The following C7 variants were observed in gnomAD, a reference collection of about 807,000 sequenced individuals.
C7 encodes the protein complement component C7.
Under a neutral mutation model 104.8 loss-of-function variants are expected in C7, and 83 were observed. That is an observed-to-expected ratio of 0.79 (90% CI 0.66 to 0.95). The LOEUF is 0.95. Among genes scored for constraint, C7 ranks in the 40% least tolerant of loss-of-function variants. The pLI is 0.00. For missense variants in C7, 1,070 were observed against 1,011.2 expected (o/e 1.06, Z -0.79); for synonymous variants, 415 against 360.6 (o/e 1.15, Z -1.71).
At chr5:40,943,868 A>C (rs1003824125) in intron 6 of C7, among the ~76,000 whole-genome samples, 1 of 152,044 alleles carries the variant, frequency 6.6e-6, no homozygotes, top group Non-Finnish European at 1.5e-5. Flanking sequence ...CATATCTAAT[A>C]CTCAATGGGG....
intron 8 of C7, among the ~76,000 whole-genome samples, chr5:40,949,181 C>A (rs1740112394): frequency 6.6e-6 from 1 of 151,898 alleles, no homozygotes; most frequent in Non-Finnish European, 1.5e-5. Context: ...TACTCTTGAG[C>A]AGTTTATGTT....
chr5:40,941,325 A>C (rs1348930359), intron 6 of C7, among the ~76,000 whole-genome samples: 1 of 151,998 alleles, frequency 6.6e-6, no homozygotes. Context: ...CGGCCTCCCA[A>C]AGTGCTGGGA....
In C7 at chr5:40,958,196, G is replaced by A. The variant is rs374971959; in HGVS notation, c.1424G>A (p.Cys475Tyr). Residue 475 changes from cysteine to tyrosine, a missense_variant, in exon 11 of 18, where the codon TGC becomes TAC. Cys to Tyr is a radical substitution (Grantham distance 194). Coordinates refer to ENST00000313164, the MANE Select transcript of C7 (RefSeq NM_000587.4). ...ACTGTTGAGGGGACCCATTGTCTGTGCCATTGCAAACCGTACACATTTGGT... is the reference window on the plus strand; with the variant it reads ...ACTGTTGAGGGGACCCATTGTCTGTACCATTGCAAACCGTACACATTTGGT... ...LATVEGTHCL[C>Y]HCKPYTFGAA... 1.9e-6 allele frequency: 3 copies of A among 1,613,734 alleles called. No individual in the cohort carries two copies. Among genetic ancestry groups the A allele is most frequent in the East Asian group, 4.5e-5 (2 of 44,886 alleles).
chr5:40,937,735 C>A, intron 6 of C7, 45 bp downstream of exon 6: 2 of 1,456,990 alleles, frequency 1.4e-6, no homozygotes, highest in South Asian at 2.7e-5. Context: ...TGTCAGAGAG[C>A]ATTATTTATA....
intron 1 of C7, among the ~76,000 whole-genome samples, chr5:40,927,490 C>T (rs1311698569): frequency 6.6e-6 from 1 of 151,818 alleles, no homozygotes; most frequent in African/African-American, 2.4e-5. Context: ...ATAAGTCATA[C>T]ATTCAAGAAG....
At position 40,936,497 on chromosome 5, in the gene C7, G is replaced by A. The variant is rs557981606; in HGVS notation, c.428+12G>A. The stretch of plus-strand genomic sequence containing the variant: ...CTTACTGGAAATGGGTAAGGTGCTG[G>A]GCAGCCTCCTGAGTACATCAGTGAA... On this transcript the variant is annotated intron_variant, in intron 5 of 17. Coordinates refer to ENST00000313164, the MANE Select transcript of C7 (RefSeq NM_000587.4). 1 of 1,611,040 alleles carries A rather than the reference G, an allele frequency of 6.2e-7. No individual in the cohort carries two copies.
At position 40,978,563 on chromosome 5, in the gene C7, TA is replaced by T. The variant is rs1227494625; in HGVS notation, c.2166-1159del. On this transcript the variant is annotated intron_variant, in intron 16 of 17. Coordinates refer to ENST00000313164, the MANE Select transcript of C7 (RefSeq NM_000587.4). ...TAAGTAGTTCTATTTAAAGTTTCAA[TA>T]AACAGATGAAAAGATAGATTCAAAA... Among the ~76,000 whole-genome samples, 4 of 152,206 alleles carry T rather than the reference TA, an allele frequency of 2.6e-5. No individual in the cohort carries two copies. The South Asian group carries it at 8.3e-4, about 31-fold the overall frequency.
At chr5:40,940,255 C>T (rs529076966) in intron 6 of C7, among the ~76,000 whole-genome samples, 1 of 152,186 alleles carries the variant, frequency 6.6e-6, no homozygotes, top group South Asian at 2.1e-4. Flanking sequence ...TTATCCAGGG[C>T]AAACCCAATT....
chr5:40,980,596 G>C (rs143774222), intron 17 of C7, among the ~76,000 whole-genome samples: 2 of 152,296 alleles, frequency 1.3e-5, no homozygotes, highest in East Asian at 3.9e-4. Context: ...CCCATGATTT[G>C]GGCAGTACTA....
At position 40,979,875 on chromosome 5, in the gene C7, T is replaced by C. The variant is rs115839942; in HGVS notation, c.2316T>C (p.Ala772=). ...SCTLPASAEK[A]CGACPLWGKC... is the part of the protein sequence containing the mutation. ...CTCTGCCTGCCTCAGCTGAGAAAGC[T>C]TGTGGTGCCTGCCCACTGTGGGGAA... Residue 772 remains alanine (A), a synonymous_variant, in exon 17 of 18, where the codon GCT becomes GCC. Transcript: ENST00000313164. The C allele has an allele frequency of 2.1e-5, 34 of 1,602,818 alleles. 1 individual carries two copies. Among genetic ancestry groups the C allele is most frequent in the Middle Eastern group, 1.7e-4 (1 of 6,018 alleles).
At position 40,937,585 on chromosome 5, in the gene C7, A is replaced by C; in HGVS notation, c.462A>C (p.Arg154Ser). 6.2e-7 allele frequency: 1 copy of C among 1,612,354 alleles called. No homozygotes were observed. The change falls in exon 6 of 18, where the codon AGA becomes AGC. Residue 154 changes from arginine to serine, a missense_variant. Transcript: ENST00000313164. ...YNELTGQFRN[R>S]VINTKSFGGQ... is the part of the protein sequence containing the mutation. ...AACTCACTGGCCAGTTTAGGAACAGAGTCATCAATACCAAAAGTTTTGGTG... is the reference window on the plus strand; with the variant it reads ...AACTCACTGGCCAGTTTAGGAACAGCGTCATCAATACCAAAAGTTTTGGTG...
At chr5:40,949,879 GTC>G in intron 8 of C7, 23 bp from the exon 9 acceptor site, 1 of 1,378,840 alleles carries the variant, frequency 7.3e-7, no homozygotes, top group Non-Finnish European at 1.0e-6. Flanking sequence ...AATTAAACAT[GTC>G]TCTTTTACAT....
intron 15 of C7, among the ~76,000 whole-genome samples, chr5:40,976,303 G>T (rs1203381621): frequency 6.6e-6 from 1 of 152,164 alleles, no homozygotes; most frequent in Non-Finnish European, 1.5e-5. Context: ...ACAACAAACA[G>T]TTTATAAGCA....
At chr5:40,953,639 CAAAAAAAAA>C (rs397961480) in intron 9 of C7, among the ~76,000 whole-genome samples, 1 of 104,140 alleles carries the variant, frequency 9.6e-6, no homozygotes, top group Non-Finnish European at 1.8e-5. Flanking sequence ...GACTCTGTCT[CAAAAAAAAA>C]AAAAAAAAAG....
intron 9 of C7, among the ~76,000 whole-genome samples, chr5:40,953,753 T>C (rs962251192): frequency 3.6e-5 from 4 of 110,936 alleles, no homozygotes; most frequent in Admixed American, 1.9e-4. Context: ...AGATTTGAAA[T>C]GTTCCCAACA....
chr5:40,932,925 G>A lies in C7; in HGVS notation c.139-1400G>A, dbSNP rs373901681. On this transcript the variant is annotated intron_variant, in intron 3 of 17. Transcript: ENST00000313164. ...GTCAGACTTTGACAGGTGAGAAGGA[G>A]ACTGTGGAGAGTGGCTGCCATCAAG... Among the ~76,000 whole-genome samples, 11 of 152,256 alleles carry A rather than the reference G, an allele frequency of 7.2e-5. No homozygotes were observed. The East Asian group carries it at 1.7e-3, about 24-fold the overall frequency.
intron 1 of C7, among the ~76,000 whole-genome samples, chr5:40,919,061 G>T (rs1331550313): frequency 2.0e-5 from 3 of 150,766 alleles, no homozygotes; most frequent in African/African-American, 7.3e-5. Flanking sequence ...CTCCAGGACA[G>T]ATAACATTTT....
chr5:40,918,941 A>G lies in C7; in HGVS notation c.6+9325A>G, dbSNP rs1002533224. On this transcript the variant is annotated intron_variant, in intron 1 of 17. Transcript: ENST00000313164. Reference sequence around the variant, plus strand: ...TTGAAAATCGCTTTAGACCTAATGAATCTAACAGACACACACACACACACA... The same window carrying G: ...TTGAAAATCGCTTTAGACCTAATGAGTCTAACAGACACACACACACACACA... 4.5e-4 allele frequency among the ~76,000 whole-genome samples: 56 copies of G among 123,884 alleles called. 1 individual carries two copies. The highest frequency in any genetic ancestry group is 1.9e-3 in the African/African-American group (55 of 28,790). 81.3% of individuals were successfully genotyped at this position (123,884 alleles called of 152,430 possible).
intron 6 of C7, among the ~76,000 whole-genome samples, chr5:40,941,053 G>C (rs983684578): frequency 4.0e-5 from 6 of 148,156 alleles, no homozygotes; most frequent in Non-Finnish European, 6.0e-5. Flanking sequence ...GAGTGCAAGA[G>C]GAACACTTCT....
Sources: allele counts gnomAD v4.1 joint callset (sites outside exome capture counted in the v4.1 genomes callset), GRCh38; gene constraint gnomAD v4.1.1; transcripts MANE v1.5; gene names NCBI Gene and HGNC (gene_info 2026-07-23, HGNC 2026-07-21).